DGKH: variants seen among roughly 807,000 people sequenced by gnomAD.
DGKH encodes DAG kinase eta.
Under a neutral mutation model 159.3 loss-of-function variants are expected in DGKH, and 90 were observed. That is an observed-to-expected ratio of 0.57 (90% CI 0.48 to 0.67). DGKH has a LOEUF of 0.67. Among genes scored for constraint, DGKH ranks in the 30% least tolerant of loss-of-function variants. The pLI is 0.00. For missense variants in DGKH, 1,181 were observed against 1,506.1 expected (o/e 0.78, Z 3.57); for synonymous variants, 536 against 553.8 (o/e 0.97, Z 0.45).
chr13:42,212,008 C>T (rs768236303), intron 24 of DGKH, among the ~76,000 whole-genome samples: 9 of 152,106 alleles, frequency 5.9e-5, no homozygotes, highest in Non-Finnish European at 1.2e-4. Context: ...CACAGCCAAA[C>T]GATATGACAC....
upstream of DGKH, chr13:42,044,138 A>C (rs923048279): frequency 5.3e-5 from 8 of 152,304 alleles, no homozygotes; most frequent in African/African-American, 1.2e-4. Context: ...GATTACTGGC[A>C]TGAGCCACTG....
chr13:42,157,884 C>T (rs1293170730), intron 5 of DGKH, among the ~76,000 whole-genome samples: 6 of 152,130 alleles, frequency 3.9e-5, no homozygotes, highest in South Asian at 2.1e-4. Context: ...ATAAGAATCC[C>T]GAGTAGCTGG....
chr13:42,121,203 G>A (rs747172392), intron 1 of DGKH, among the ~76,000 whole-genome samples: 98 of 151,916 alleles, frequency 6.5e-4, no homozygotes, highest in Non-Finnish European at 1.2e-3. Flanking sequence ...AGTACAAAAC[G>A]TACTTTGAGT....
chr13:42,181,091 A>G (rs1028945756), intron 13 of DGKH, among the ~76,000 whole-genome samples: 2 of 151,972 alleles, frequency 1.3e-5, no homozygotes, highest in Middle Eastern at 3.4e-3. Flanking sequence ...CCTGGCTAAC[A>G]CGGTGAAACC....
At position 42,156,491 on chromosome 13, in the gene DGKH, T is replaced by C. The variant is rs146357609; in HGVS notation, c.622+692T>C. On this transcript the variant is annotated intron_variant, in intron 5 of 29. Transcript: ENST00000337343. The stretch of plus-strand genomic sequence containing the variant: ...CCTGGGCTCAAGCAATCCTCCCACA[T>C]TGGCCTCCCAAAGAGGCATGAGCAA... 5.7e-3 allele frequency among the ~76,000 whole-genome samples: 869 copies of C among 152,222 alleles called. 3 individuals are homozygous for C. Among genetic ancestry groups the C allele is most frequent in the Non-Finnish European group, 8.1e-3 (550 of 67,998 alleles).
intron 1 of DGKH, among the ~76,000 whole-genome samples, chr13:42,078,909 CTTTTTTTTT>C (rs55801562): frequency 2.1e-5 from 2 of 93,570 alleles, no homozygotes; most frequent in South Asian, 3.7e-4. Flanking sequence ...GTATATTCTC[CTTTTTTTTT>C]TTTTTTTTTT....
chr13:42,053,231 A>G (rs1398127358), intron 1 of DGKH, among the ~76,000 whole-genome samples: 1 of 151,926 alleles, frequency 6.6e-6, no homozygotes, highest in Non-Finnish European at 1.5e-5. Flanking sequence ...GGATTAAGAT[A>G]TATTTTTGGT....
chr13:42,097,226 T>C (rs1954557152), intron 1 of DGKH, among the ~76,000 whole-genome samples: 1 of 152,242 alleles, frequency 6.6e-6, no homozygotes, highest in Non-Finnish European at 1.5e-5. Flanking sequence ...CTCTTCCTTC[T>C]GTTTTCTCTG....
chr13:42,227,719 C>A (rs1035795112), intron 29 of DGKH, among the ~76,000 whole-genome samples: 3 of 152,090 alleles, frequency 2.0e-5, no homozygotes, highest in African/African-American at 7.2e-5. Flanking sequence ...GAAATTATCT[C>A]AAGTTTGACA....
At chr13:42,209,603 C>A in intron 23 of DGKH, 138 bp downstream of exon 23, 1 of 1,047,974 alleles carries the variant, frequency 9.5e-7, no homozygotes, top group Non-Finnish European at 1.3e-6. Context: ...GAAATATGAA[C>A]AAATATTTAT....
chr13:42,083,933 A>G (rs147618582), intron 1 of DGKH, among the ~76,000 whole-genome samples: 1 of 152,214 alleles, frequency 6.6e-6, no homozygotes, highest in African/African-American at 2.4e-5. Flanking sequence ...CGACACGGGG[A>G]TGGGCAGCAT....
At chr13:42,079,777 A>G (rs1954166411) in intron 1 of DGKH, among the ~76,000 whole-genome samples, 1 of 152,328 alleles carries the variant, frequency 6.6e-6, no homozygotes, top group African/African-American at 2.4e-5. Flanking sequence ...AGCACTCACC[A>G]TAAGTCATTT....
chr13:42,217,914 A>G (rs1404778446), intron 26 of DGKH, among the ~76,000 whole-genome samples: 1 of 152,128 alleles, frequency 6.6e-6, no homozygotes, highest in Non-Finnish European at 1.5e-5. Flanking sequence ...TGCGCCTGTA[A>G]ACCCAGCTAC....
chr13:42,048,622 C>A, upstream of DGKH: 1 of 1,015,408 alleles, frequency 9.8e-7, no homozygotes, highest in Non-Finnish European at 1.3e-6. This position sits in a 1 kb window ranked among gnomAD's most constrained non-coding sequence, Gnocchi z 6.7. Context: ...CTGCCCCGGG[C>A]GACCCTTACC....
intron 7 of DGKH, among the ~76,000 whole-genome samples, chr13:42,164,245 G>A (rs993023561): frequency 9.9e-5 from 15 of 152,156 alleles, no homozygotes; most frequent in Non-Finnish European, 1.5e-4. Flanking sequence ...TGTAAAAATT[G>A]TGAAGATATA....
intron 1 of DGKH, among the ~76,000 whole-genome samples, chr13:42,126,907 T>G (rs980858103): frequency 1.3e-5 from 2 of 152,226 alleles, no homozygotes; most frequent in African/African-American, 4.8e-5. Flanking sequence ...TGATGGTAAC[T>G]AACTTTAATG....
chr13:42,124,768 G>A (rs140644106), intron 1 of DGKH, among the ~76,000 whole-genome samples: 6 of 152,286 alleles, frequency 3.9e-5, no homozygotes, highest in Non-Finnish European at 5.9e-5. Context: ...AAACAAAGGC[G>A]GAGGAGGGAG....
rs988215943 is a variant in DGKH, at chr13:42,145,216, T to A, written c.385-10075T>A. ...AAGCTTCGCTGAGCCCAAATCTCAA[T>A]TTATGAAGGCAAAAGTAGGTTTGTA... On this transcript the variant is annotated intron_variant, in intron 3 of 29. Coordinates refer to ENST00000337343, the MANE Select transcript of DGKH (RefSeq NM_178009.5). 1.7e-4 allele frequency among the ~76,000 whole-genome samples: 26 copies of A among 152,220 alleles called. 1 individual carries two copies. Among genetic ancestry groups the A allele is most frequent in the Admixed American group, 1.7e-3 (26 of 15,282 alleles).
intron 11 of DGKH, among the ~76,000 whole-genome samples, chr13:42,172,783 C>G (rs983143883): frequency 6.6e-6 from 1 of 151,910 alleles, no homozygotes; most frequent in Admixed American, 6.6e-5. Flanking sequence ...AAGTGATTCT[C>G]CTGCCTCAGC....
Sources: gnomAD v4.1 joint callset for allele counts (sites outside exome capture counted in the v4.1 genomes callset) on GRCh38, gnomAD v4.1.1 for gene constraint, Gnocchi (gnomAD v3.1) non-coding constraint, MANE v1.5 for transcripts, NCBI Gene and HGNC (gene_info 2026-07-23, HGNC 2026-07-21) for gene names.